Variants in GAK observed in about 807,000 individuals in gnomAD.
The protein encoded by GAK is cyclin-G-associated kinase.
GAK carries 79 observed loss-of-function variants against 143.9 expected under a neutral mutation model. The ratio of observed to expected loss-of-function variants is 0.55; its 90% CI spans 0.46 to 0.66. The LOEUF is 0.66. Among genes scored for constraint, GAK ranks in the 30% least tolerant of loss-of-function variants. The pLI is 0.00. For synonymous variants in GAK, 881 were observed against 765.5 expected (o/e 1.15, Z -2.49); for missense variants, 1,693 against 1,779.7 (o/e 0.95, Z 0.88).
In GAK at chr4:883,351, G is replaced by A. The variant is rs1715556494; in HGVS notation, c.1368C>T (p.Ser456=). ...HPGHYAVYNL[S]PRTYRPSRFH... ...ACCTGGAGGGCCGGTAGGTCCTCGGGGACAGGTTGTAGACGGCATAGTGCC... is the reference window on the plus strand; with the variant it reads ...ACCTGGAGGGCCGGTAGGTCCTCGGAGACAGGTTGTAGACGGCATAGTGCC... Residue 456 remains serine, a synonymous_variant, in exon 13 of 28, where the codon TCC becomes TCT. Transcript: ENST00000314167. 1 of 1,613,636 alleles carries A rather than the reference G, an allele frequency of 6.2e-7. No homozygotes were observed. Among genetic ancestry groups the A allele is most frequent in the East Asian group, 2.2e-5 (1 of 44,880 alleles).
Position 881,988 on chromosome 4 carries a change from C to T in GAK, c.1580G>A (p.Arg527His), listed in dbSNP as rs767793841. 2.2e-5 allele frequency: 35 copies of T among 1,605,938 alleles called. No individual in the cohort carries two copies. Among genetic ancestry groups the T allele is most frequent in the South Asian group, 3.3e-5 (3 of 89,772 alleles). The change falls in exon 15 of 28, where the codon CGT becomes CAT. Residue 527 changes from arginine (R) to histidine (H), a missense_variant. Around this residue, in one of 2 missense-constraint regions of GAK, gnomAD observed 871 missense variants for 991.0 expected, o/e 0.88. Coordinates refer to ENST00000314167, the MANE Select transcript of GAK (RefSeq NM_005255.4). ...VAVCSFLCFC[R>H]LFSTAEAAVY... The stretch of plus-strand genomic sequence containing the variant: ...GGCGGCCTCCGCGGTGCTGAAGAGA[C>T]GGCAGAAGCACAGGAAGGAGCAGAC...
chr4:909,706 C>T (rs906601589), intron 4 of GAK, among the ~76,000 whole-genome samples: 2 of 152,224 alleles, frequency 1.3e-5, no homozygotes, highest in African/African-American at 2.4e-5. Flanking sequence ...TATTTTTAAA[C>T]GGTTAGAATG....
At chr4:905,940 C>A (rs1350406192) in intron 4 of GAK, among the ~76,000 whole-genome samples, 1 of 152,274 alleles carries the variant, frequency 6.6e-6, no homozygotes, top group African/African-American at 2.4e-5. Flanking sequence ...GGGCTCGGAG[C>A]AGCCCCACAG....
At chr4:861,589 TAAAAAA>T (rs551645066) in intron 23 of GAK, among the ~76,000 whole-genome samples, 2 of 151,842 alleles carry the variant, frequency 1.3e-5, no homozygotes, top group Non-Finnish European at 2.9e-5. Context: ...ACCCTGTCTC[TAAAAAA>T]AAGAAAGCTG....
intron 9 of GAK, among the ~76,000 whole-genome samples, chr4:891,162 C>T (rs1424522275): frequency 6.6e-6 from 1 of 152,090 alleles, no homozygotes; most frequent in Non-Finnish European, 1.5e-5. Flanking sequence ...GGTTTCACCA[C>T]GTTGCCCAGG....
At chr4:902,235 TA>T (rs77844745) in intron 5 of GAK, among the ~76,000 whole-genome samples, 1,166 of 100,640 alleles carry the variant, frequency 0.012, 7 homozygotes, top group Middle Eastern at 0.03. Context: ...AGACTCCGCC[TA>T]AAAAAAAAAA....
intron 26 of GAK, 72 bp from the exon 27 acceptor site, chr4:850,140 G>A (rs1046306149): frequency 6.3e-6 from 9 of 1,418,710 alleles, no homozygotes; most frequent in Non-Finnish European, 7.6e-6. Context: ...CGGAAACTGA[G>A]GCACGACGCT....
chr4:877,624 T>G lies in GAK; in HGVS notation c.1847A>C (p.Asp616Ala), dbSNP rs778602923. Residue 616 changes from aspartate to alanine, a missense_variant, in exon 16 of 28, where the codon GAC becomes GCC. Around this residue, in one of 2 missense-constraint regions of GAK, gnomAD observed 871 missense variants for 991.0 expected, o/e 0.88. Transcript: ENST00000314167. ...ERVASTSQEY[D>A]KMRDFKIEDG... ...CTGCAGCTGCACTCACCGCATCTTGTCGTACTCCTGGGAGGTGCTGGCCAC... is the reference window on the plus strand; with the variant it reads ...CTGCAGCTGCACTCACCGCATCTTGGCGTACTCCTGGGAGGTGCTGGCCAC... The G allele has an allele frequency of 1.3e-5, 20 of 1,585,466 alleles. No homozygotes were observed. Among genetic ancestry groups the G allele is most frequent in the Non-Finnish European group, 1.6e-5 (19 of 1,163,046 alleles).
intron 1 of GAK, among the ~76,000 whole-genome samples, chr4:917,708 G>T (rs1317970290): frequency 2.6e-5 from 4 of 152,264 alleles, no homozygotes; most frequent in Non-Finnish European, 5.9e-5. Flanking sequence ...GCCTTGATTA[G>T]CGTGGCAGAT....
chr4:862,288 G>T lies in GAK; in HGVS notation c.3167-2566C>A, dbSNP rs905109854. Reference sequence around the variant, plus strand: ...TAAGACGGCCTAAGTCATCCGCTAAGATCCGGCTGAGACCACTGATGAAGC... The same window carrying T: ...TAAGACGGCCTAAGTCATCCGCTAATATCCGGCTGAGACCACTGATGAAGC... On this transcript the variant is annotated intron_variant, in intron 23 of 27. Transcript: ENST00000314167. Among the ~76,000 whole-genome samples the T allele has an allele frequency of 1.4e-4, 21 of 152,226 alleles. 3 individuals are homozygous for T. Among genetic ancestry groups the T allele is most frequent in the East Asian group, 1.9e-4 (1 of 5,182 alleles).
Position 851,280 on chromosome 4 carries a change from TAG to T in GAK, c.3509-198_3509-197del, listed in dbSNP as rs1405751299. On this transcript the variant is annotated intron_variant, in intron 25 of 27. Transcript: ENST00000314167. Reference sequence around the variant, plus strand: ...GCCTGGCTAATTTTTACATTTTTTGTAGAGAGGAGGTATCACTGTTGCCCAAG... The same window carrying T: ...GCCTGGCTAATTTTTACATTTTTTGTAGAGGAGGTATCACTGTTGCCCAAG... 6.1e-6 allele frequency: 3 copies of T among 490,688 alleles called. No homozygotes were observed. In the Admixed American group the frequency reaches 9.9e-5, roughly 16 times the overall value. 30.4% of individuals were successfully genotyped at this position (490,688 alleles called of 1,614,324 possible). A position where few individuals can be genotyped will look rare whatever the true frequency, so the allele number is the denominator to read the frequency against.
At chr4:897,248 G>A (rs1013944886) in intron 6 of GAK, among the ~76,000 whole-genome samples, 1 of 152,210 alleles carries the variant, frequency 6.6e-6, no homozygotes, top group Non-Finnish European at 1.5e-5. Flanking sequence ...TTATACAGCA[G>A]GACAGCGCAC....
chr4:899,372 C>CA (rs1031402802), intron 5 of GAK, among the ~76,000 whole-genome samples: 3 of 152,120 alleles, frequency 2.0e-5, no homozygotes, highest in African/African-American at 7.2e-5. Context: ...AAGAGGGCAG[C>CA]ACGCCAGCCA....
At chr4:890,114 C>T (rs1025514587) in intron 10 of GAK, among the ~76,000 whole-genome samples, 3 of 152,248 alleles carry the variant, frequency 2.0e-5, no homozygotes, top group African/African-American at 7.2e-5. Context: ...CCCTCCAGCC[C>T]CAAAAGGGGT....
At position 865,176 on chromosome 4, in the gene GAK, C is replaced by CCCAT; in HGVS notation, c.3108_3111dup (p.Ala1038MetfsTer49). ...GATGCTGCAGTCTCGGTCCAGGCAG[C>CCCAT]CCATCCTCCCAGCAGGTCTGGGTTG... On this transcript the variant is annotated frameshift_variant, in exon 23 of 28. Transcript: ENST00000314167. LOFTEE classifies it high-confidence loss of function. 1 of 1,612,280 alleles carries CCCAT rather than the reference C, an allele frequency of 6.2e-7. No homozygotes were observed. The highest frequency in any genetic ancestry group is 8.5e-7 in the Non-Finnish European group (1 of 1,179,558).
rs532011251 is a variant in GAK at position 894,171 on chromosome 4, CAG to C, written c.742-164_742-163del. 1.3e-4 allele frequency: 96 copies of C among 726,674 alleles called. No individual in the cohort carries two copies. In the East Asian group the frequency reaches 2.3e-3, roughly 17 times the overall value. The allele number at this position is 726,674 out of a possible 1,614,324, so 45.0% of individuals were successfully genotyped here. On this transcript the variant is annotated intron_variant, in intron 7 of 27. Transcript: ENST00000314167. ...GTGACACTGGGGACTGCAGGGAACA[CAG>C]GGGTGATATCGGGAACATGGGAAAT...
At chr4:880,833 T>C (rs1379017236) in intron 15 of GAK, among the ~76,000 whole-genome samples, 2 of 152,136 alleles carry the variant, frequency 1.3e-5, no homozygotes, top group African/African-American at 4.8e-5. Context: ...GCTGTGGGAT[T>C]TGGGGGTCAT....
intron 10 of GAK, among the ~76,000 whole-genome samples, chr4:890,086 G>A (rs1484537751): frequency 2.6e-5 from 4 of 152,246 alleles, no homozygotes; most frequent in Admixed American, 2.0e-4. Flanking sequence ...CAGCTCCTGG[G>A]AAGGAACCTG....
At chr4:909,644 T>C (rs1350981091) in intron 4 of GAK, among the ~76,000 whole-genome samples, 1 of 114,756 alleles carries the variant, frequency 8.7e-6, no homozygotes, top group Non-Finnish European at 2.1e-5. Flanking sequence ...TCATGGAATT[T>C]CTCTCAGGCT....
Sources: allele counts gnomAD v4.1 joint callset (sites outside exome capture counted in the v4.1 genomes callset), GRCh38; gene constraint gnomAD v4.1.1; regional missense constraint gnomAD v4.1.1; transcripts MANE v1.5; gene names NCBI Gene and HGNC (gene_info 2026-07-23, HGNC 2026-07-21).